The following GLS variants were observed in gnomAD, a reference collection of about 807,000 sequenced individuals.
GLS encodes the protein glutaminase kidney isoform, mitochondrial.
GLS carries 36 observed loss-of-function variants against 86.7 expected under a neutral mutation model. That is an observed-to-expected ratio of 0.42 (90% CI 0.32 to 0.55). GLS has a LOEUF of 0.55. Among genes scored for constraint, GLS ranks in the 20% least tolerant of loss-of-function variants. The pLI, the probability that GLS is intolerant of heterozygous loss-of-function variation, is 0.17. For missense variants in GLS, 528 were observed against 833.4 expected, an observed-to-expected ratio of 0.63 and a Z score of 4.51; for synonymous variants, 317 against 305.9, an observed-to-expected ratio of 1.04 and a Z score of -0.38.
chr2:190,945,149 C>G (rs1690546085), intron 14 of GLS, among the ~76,000 whole-genome samples: 1 of 152,156 alleles, frequency 6.6e-6, no homozygotes, highest in Non-Finnish European at 1.5e-5. Flanking sequence ...GCTCTGATAC[C>G]TTGCTGAAGT....
rs537971593 is a variant in GLS, at chr2:190,881,374, C to T, written c.290C>T (p.Pro97Leu). 338 of 1,539,938 alleles carry T rather than the reference C, an allele frequency of 2.2e-4. 1 individual carries two copies. In the African/African-American group the frequency reaches 3.6e-3, roughly 16 times the overall value. Residue 97 changes from proline to leucine, a missense_variant, in exon 1 of 18, where the codon CCC (proline) becomes CTC (leucine). By Grantham distance (98) the Pro-to-Leu change is moderately conservative. Transcript: ENST00000320717. ...STHPQPGVSP[P>L]AAPAAPGPKD... ...CATCCGCAGCCCGGGGTGTCGCCAC[C>T]CGCTGCCCCGGCGGCGCCCGGCCCC... is the stretch of plus-strand genomic sequence containing the variant.
At chr2:190,893,638 T>C (rs138896852) in intron 1 of GLS, among the ~76,000 whole-genome samples, 1,663 of 152,228 alleles carry the variant, frequency 0.011, 39 homozygotes, top group African/African-American at 0.037. Context: ...CACTCTGGAG[T>C]GTGGTGGCAC....
rs1169802460 is a variant in GLS, at chr2:190,897,793, A to G, written c.605+2068A>G. Among the ~76,000 whole-genome samples, 1 of 152,212 alleles carries G rather than the reference A, an allele frequency of 6.6e-6. No homozygotes were observed. Among genetic ancestry groups the G allele is most frequent in the Non-Finnish European group, 1.5e-5 (1 of 68,022 alleles). On this transcript the variant is annotated intron_variant, in intron 3 of 17. Transcript: ENST00000320717. This position sits in a 1 kb window ranked among gnomAD's most constrained non-coding sequence, Gnocchi z 4.3. ...TCATTTTTCCCCAGAGAAATAATTT[A>G]TAAAGGTGGGTAGGTTTGGTTGAAG...
chr2:190,898,397 T>A (rs922055872), intron 3 of GLS, among the ~76,000 whole-genome samples: 1 of 152,230 alleles, frequency 6.6e-6, no homozygotes, highest in Non-Finnish European at 1.5e-5. Flanking sequence ...GTTCATTTTA[T>A]ATGACTTCTC....
intron 12 of GLS, among the ~76,000 whole-genome samples, chr2:190,929,866 G>A (rs940945294): frequency 1.4e-5 from 2 of 147,518 alleles, no homozygotes; most frequent in Admixed American, 6.8e-5. Flanking sequence ...TTTTTTTTTC[G>A]AGAGGGAGTC....
At chr2:190,912,760 A>G (rs541542124) in intron 7 of GLS, among the ~76,000 whole-genome samples, 7 of 152,154 alleles carry the variant, frequency 4.6e-5, no homozygotes, top group Non-Finnish European at 7.4e-5. Flanking sequence ...TCTTGATGAC[A>G]TCTTTAATTT....
chr2:190,899,156 G>C (rs1216066328), intron 3 of GLS, among the ~76,000 whole-genome samples: 1 of 152,080 alleles, frequency 6.6e-6, no homozygotes, highest in East Asian at 1.9e-4. Context: ...CTGATACTTG[G>C]AAGTTGGATT....
Position 190,938,689 on chromosome 2 carries a change from G to A in GLS, c.1650+7052G>A, listed in dbSNP as rs1334643139. ...TGTGTTTTGTTAGGATGGACTTTCT[G>A]TTTGTAGATGTTTCTGTTTGTGGTT... On this transcript the variant is annotated intron_variant, in intron 14 of 17. Coordinates refer to ENST00000320717, the MANE Select transcript of GLS (RefSeq NM_014905.5). The surrounding 1 kb of genome is among the most constrained non-coding windows in gnomAD (Gnocchi z 4.1). Among the ~76,000 whole-genome samples, 2 of 151,492 alleles carry A rather than the reference G, an allele frequency of 1.3e-5. No homozygotes were observed. The highest frequency in any genetic ancestry group is 2.4e-5 in the African/African-American group (1 of 41,380).
At position 190,953,950 on chromosome 2, in the gene GLS, A is replaced by ATGTGTGTG. The variant is rs57991546; in HGVS notation, c.1712+363_1712+370dup. The stretch of plus-strand genomic sequence containing the variant: ...CTACCCTCCATTCCCAATCTTTGAT[A>ATGTGTGTG]TGTGTGTGTGTGTGTGTGTGTGTGT... On this transcript the variant is annotated intron_variant, in intron 15 of 17. Coordinates refer to ENST00000320717, the MANE Select transcript of GLS (RefSeq NM_014905.5). This position sits in a 1 kb window ranked among gnomAD's most constrained non-coding sequence, Gnocchi z 4.0. Among the ~76,000 whole-genome samples, 1,218 of 136,756 alleles carry ATGTGTGTG rather than the reference A, an allele frequency of 8.9e-3. 14 individuals are homozygous for ATGTGTGTG. The highest frequency in any genetic ancestry group is 0.04 in the East Asian group (178 of 4,486). 89.7% of individuals were successfully genotyped at this position (136,756 alleles called of 152,430 possible).
Position 190,954,729 on chromosome 2 carries a change from C to T in GLS, c.1790-26C>T, listed in dbSNP as rs373731383. 2 of 1,613,504 alleles carry T rather than the reference C, an allele frequency of 1.2e-6. No individual in the cohort carries two copies. The highest frequency in any genetic ancestry group is 1.7e-6 in the Non-Finnish European group (2 of 1,179,598). ...TTTCTACTTAGTACTAAAATCTGCT[C>T]TTTTTTTGGGGGTGGGACGGTATAG... On this transcript the variant is annotated intron_variant, in intron 16 of 17. Transcript: ENST00000320717. The surrounding 1 kb of genome is among the most constrained non-coding windows in gnomAD (Gnocchi z 4.0).
At position 190,881,041 on chromosome 2, in the gene GLS, G is replaced by A. The variant is rs1406299003; in HGVS notation, c.-44G>A. ...CCGAGGAAACCGGCCGCCCACGCCC[G>A]GAGCATCCTCCCCTGTTGAGCGGGC... On this transcript the variant is annotated 5_prime_UTR_variant, in exon 1 of 18. Transcript: ENST00000320717. 4.6e-6 allele frequency: 7 copies of A among 1,526,104 alleles called. No individual in the cohort carries two copies. Among genetic ancestry groups the A allele is most frequent in the South Asian group, 1.2e-5 (1 of 83,244 alleles). The allele number at this position is 1,526,104 out of a possible 1,614,324, so 94.5% of individuals were successfully genotyped here. A position where few individuals can be genotyped will look rare whatever the true frequency, so the allele number is the denominator to read the frequency against.
chr2:190,900,479 A>C (rs1688900999), intron 3 of GLS, 85 bp from the exon 4 acceptor site: 3 of 604,570 alleles, frequency 5.0e-6, no homozygotes, highest in Non-Finnish European at 8.3e-6. Flanking sequence ...TATTATTTAA[A>C]TAGTGTCCTA....
chr2:190,950,177 C>G (rs938084947), intron 14 of GLS, among the ~76,000 whole-genome samples: 11 of 152,022 alleles, frequency 7.2e-5, no homozygotes, highest in African/African-American at 2.7e-4. Flanking sequence ...GCCTTGAGTG[C>G]CTGAGACCAG....
At chr2:190,936,698 T>C (rs1042454602) in intron 14 of GLS, among the ~76,000 whole-genome samples, 3 of 151,400 alleles carry the variant, frequency 2.0e-5, no homozygotes, top group Admixed American at 2.0e-4. Flanking sequence ...CATGTGGAAT[T>C]TAAAGCACTT....
rs182946154 is a variant in GLS at position 190,909,834 on chromosome 2, G to A, written c.980-429G>A. Among the ~76,000 whole-genome samples, 279 of 152,258 alleles carry A rather than the reference G, an allele frequency of 1.8e-3. 1 individual carries two copies. Among genetic ancestry groups the A allele is most frequent in the Middle Eastern group, 6.8e-3 (2 of 294 alleles). On this transcript the variant is annotated intron_variant, in intron 6 of 17. Transcript: ENST00000320717. ...AGGCGGGAGGATTGCTTGAGTCCTG[G>A]AGTTTGAGTCCAGCCTGGGCAACAT...
At position 190,913,432 on chromosome 2, in the gene GLS, G is replaced by T; in HGVS notation, c.1038+3111G>T. The T allele has an allele frequency of 1.1e-6, 1 of 919,466 alleles. No individual in the cohort carries two copies. 57.0% of individuals were successfully genotyped at this position (919,466 alleles called of 1,614,324 possible). ...TGCACATAATTTTTAAAAATCATAA[G>T]GGTATTATACTTCCTCTCTTTTTCT... On this transcript the variant is annotated intron_variant, in intron 7 of 17. Transcript: ENST00000320717. The surrounding 1 kb of genome is among the most constrained non-coding windows in gnomAD (Gnocchi z 6.1).
At chr2:190,939,570 C>G (rs1028105126) in intron 14 of GLS, among the ~76,000 whole-genome samples, 7 of 151,740 alleles carry the variant, frequency 4.6e-5, no homozygotes, top group Non-Finnish European at 8.9e-5. Flanking sequence ...ATTCAACTTT[C>G]AATTATGATA....
At chr2:190,957,757 C>T (rs990824938) in intron 17 of GLS, among the ~76,000 whole-genome samples, 7 of 152,060 alleles carry the variant, frequency 4.6e-5, no homozygotes, top group Non-Finnish European at 1.0e-4. Context: ...GGGATGAAGC[C>T]GACTTGATCG....
At chr2:190,918,368 A>C (rs913324161) in intron 7 of GLS, among the ~76,000 whole-genome samples, 10 of 152,096 alleles carry the variant, frequency 6.6e-5, no homozygotes, top group African/African-American at 2.2e-4. Flanking sequence ...CTTTCCTTAA[A>C]CCTCATGAAT....
Sources: gnomAD v4.1 joint callset for allele counts (sites outside exome capture counted in the v4.1 genomes callset) on GRCh38, gnomAD v4.1.1 for gene constraint, Gnocchi (gnomAD v3.1) non-coding constraint, MANE v1.5 for transcripts, NCBI Gene and HGNC (gene_info 2026-07-23, HGNC 2026-07-21) for gene names.